The following EIF2AK3 variants were observed in gnomAD, a reference collection of about 807,000 sequenced individuals.
EIF2AK3 encodes eukaryotic translation initiation factor 2-alpha kinase 3.
In EIF2AK3, 50 loss-of-function variants were observed where a neutral mutation model predicts 113.5. That is an observed-to-expected ratio of 0.44 (90% CI 0.35 to 0.56). EIF2AK3 has a LOEUF of 0.56. Among genes scored for constraint, EIF2AK3 ranks in the 20% least tolerant of loss-of-function variants. The pLI is 0.00. For missense variants in EIF2AK3, 1,185 were observed against 1,378.0 expected, an observed-to-expected ratio of 0.86 and a Z score of 2.22; for synonymous variants, 448 against 495.4, an observed-to-expected ratio of 0.90 and a Z score of 1.27.
chr2:88,573,155 A>C (rs1674360781), intron 13 of EIF2AK3, among the ~76,000 whole-genome samples: 2 of 151,778 alleles, frequency 1.3e-5, no homozygotes, highest in South Asian at 4.2e-4. Context: ...GAAATCTTTA[A>C]AAGGAATTGT....
At chr2:88,625,341 A>G (rs1408824686) in intron 1 of EIF2AK3, among the ~76,000 whole-genome samples, 3 of 151,996 alleles carry the variant, frequency 2.0e-5, no homozygotes, top group Non-Finnish European at 2.9e-5. Flanking sequence ...ATACACAGAG[A>G]CAAAATGTTT....
At chr2:88,566,547 T>C (rs1048412541) in intron 14 of EIF2AK3, among the ~76,000 whole-genome samples, 17 of 152,190 alleles carry the variant, frequency 1.1e-4, no homozygotes, top group African/African-American at 4.1e-4. Flanking sequence ...CTGGGGTACA[T>C]GTGTAGGACG....
chr2:88,581,865 G>A (rs1674608788), intron 10 of EIF2AK3, among the ~76,000 whole-genome samples: 1 of 152,302 alleles, frequency 6.6e-6, no homozygotes, highest in South Asian at 2.1e-4. Context: ...AAGGTAGAAT[G>A]GCCTTTTAAG....
chr2:88,573,110 CTTTTT>C (rs112158228), intron 13 of EIF2AK3, among the ~76,000 whole-genome samples: 1 of 128,322 alleles, frequency 7.8e-6, no homozygotes, highest in Non-Finnish European at 1.7e-5. Flanking sequence ...AAAATCTTGG[CTTTTT>C]TTTTTTTTTT....
intron 10 of EIF2AK3, among the ~76,000 whole-genome samples, chr2:88,580,899 C>T (rs1056121919): frequency 2.0e-5 from 3 of 152,024 alleles, no homozygotes; most frequent in Admixed American, 2.0e-4. Context: ...AGTCAAGGTA[C>T]CTCAGTACAA....
intron 1 of EIF2AK3, among the ~76,000 whole-genome samples, chr2:88,615,338 T>G (rs1675544500): frequency 6.6e-6 from 1 of 152,222 alleles, no homozygotes; most frequent in Non-Finnish European, 1.5e-5. Context: ...CCATCAGCAT[T>G]TGCTATAAAC....
At chr2:88,591,973 A>G (rs1179578746) in intron 4 of EIF2AK3, among the ~76,000 whole-genome samples, 1 of 152,200 alleles carries the variant, frequency 6.6e-6, no homozygotes, top group African/African-American at 2.4e-5. Context: ...CCAAAGTAGA[A>G]AGAATAAATG....
chr2:88,562,516 A>C, intron 14 of EIF2AK3, 126 bp from the exon 15 acceptor site: 1 of 768,116 alleles, frequency 1.3e-6, no homozygotes, highest in South Asian at 1.6e-5. Context: ...ATGTGTAAAA[A>C]TGTTAGCAAA....
intron 14 of EIF2AK3, among the ~76,000 whole-genome samples, chr2:88,562,667 T>A (rs1227037185): frequency 1.3e-5 from 2 of 152,128 alleles, no homozygotes; most frequent in African/African-American, 4.8e-5. Flanking sequence ...AGACTTGCCA[T>A]GCTAAAAAAG....
At chr2:88,569,336 CA>C (rs552792164) in intron 14 of EIF2AK3, among the ~76,000 whole-genome samples, 33 of 112,960 alleles carry the variant, frequency 2.9e-4, no homozygotes, top group Non-Finnish European at 2.8e-4. Context: ...GACCCCATCT[CA>C]AAAAAAAAAA....
chr2:88,607,682 A>T (rs1019309983), intron 2 of EIF2AK3, among the ~76,000 whole-genome samples: 1 of 152,204 alleles, frequency 6.6e-6, no homozygotes, highest in Non-Finnish European at 1.5e-5. Flanking sequence ...AAAATACACT[A>T]TTCTGTAAGC....
intron 1 of EIF2AK3, 85 bp from the exon 2 acceptor site, chr2:88,613,938 C>T: frequency 1.6e-6 from 2 of 1,248,914 alleles, no homozygotes; most frequent in South Asian, 1.3e-5. Context: ...AAAACCAGCC[C>T]ATGTCCAGGC....
intron 2 of EIF2AK3, among the ~76,000 whole-genome samples, chr2:88,607,620 T>A (rs1412769042): frequency 2.0e-5 from 3 of 152,204 alleles, no homozygotes; most frequent in African/African-American, 7.2e-5. Context: ...TTCCCTTATC[T>A]TCCAGGAGCT....
chr2:88,598,141 G>A (rs1675061688), intron 2 of EIF2AK3, among the ~76,000 whole-genome samples: 1 of 152,044 alleles, frequency 6.6e-6, no homozygotes. Context: ...TTAAAAATAG[G>A]AATTCACATG....
chr2:88,557,707 C>T lies in EIF2AK3; in HGVS notation c.*29G>A, dbSNP rs761749577. ...AAGAAGTAGGCTATTATCTGCATCA[C>T]CTATTAGGGTTGCTAGCACAACTTA... On this transcript the variant is annotated 3_prime_UTR_variant, in exon 17 of 17. Transcript: ENST00000303236. 3 of 1,609,948 alleles carry T rather than the reference C, an allele frequency of 1.9e-6. No individual in the cohort carries two copies. Among genetic ancestry groups the T allele is most frequent in the Admixed American group, 1.7e-5 (1 of 60,004 alleles).
chr2:88,616,371 C>T (rs1451247395), intron 1 of EIF2AK3, among the ~76,000 whole-genome samples: 1 of 152,148 alleles, frequency 6.6e-6, no homozygotes, highest in Non-Finnish European at 1.5e-5. Context: ...TTCCTTCTGC[C>T]TGGAACATAC....
intron 14 of EIF2AK3, among the ~76,000 whole-genome samples, chr2:88,562,825 A>G (rs1262510464): frequency 6.6e-6 from 1 of 152,252 alleles, no homozygotes; most frequent in East Asian, 1.9e-4. Flanking sequence ...ACCACTAATC[A>G]ACTGTAGTTA....
chr2:88,580,224 C>T (rs1427400322), intron 10 of EIF2AK3, among the ~76,000 whole-genome samples: 1 of 152,152 alleles, frequency 6.6e-6, no homozygotes, highest in Non-Finnish European at 1.5e-5. Flanking sequence ...TCACAGGGGC[C>T]TCCACTAAGC....
Position 88,595,372 on chromosome 2 carries a change from A to G in EIF2AK3, c.633+97T>C, listed in dbSNP as rs938681068. On this transcript the variant is annotated intron_variant, in intron 3 of 16. Transcript: ENST00000303236. ...ATGACAACCTCAGGGGAAAATTACA[A>G]TAAAACTCAACTAATAATAAGTGTA... 9 of 1,247,078 alleles carry G rather than the reference A, an allele frequency of 7.2e-6. No individual in the cohort carries two copies. The African/African-American group carries it at 1.4e-4, about 19-fold the overall frequency. The allele number at this position is 1,247,078 out of a possible 1,614,324, so 77.3% of individuals were successfully genotyped here. A position where few individuals can be genotyped will look rare whatever the true frequency, so the allele number is the denominator to read the frequency against.
Sources: allele counts gnomAD v4.1 joint callset (sites outside exome capture counted in the v4.1 genomes callset), GRCh38; gene constraint gnomAD v4.1.1; transcripts MANE v1.5; gene names NCBI Gene and HGNC (gene_info 2026-07-23, HGNC 2026-07-21).